DEF6: variants seen among roughly 807,000 people sequenced by gnomAD.
DEF6 encodes the protein differentially expressed in FDCP 6 homolog.
DEF6 carries 32 observed loss-of-function variants against 80.5 expected under a neutral mutation model. That is an observed-to-expected ratio of 0.40 (90% CI 0.30 to 0.53). The LOEUF (loss-of-function observed/expected upper bound fraction) is 0.53. Ranked by LOEUF, DEF6 falls within the 20% of genes least tolerant of loss-of-function variation. DEF6 has a pLI of 0.57. For synonymous variants in DEF6, 300 were observed against 337.9 expected, an observed-to-expected ratio of 0.89 and a Z score of 1.23; for missense variants, 575 against 818.7, an observed-to-expected ratio of 0.70 and a Z score of 3.63.
Position 35,321,387 on chromosome 6 carries a change from C to T in DEF6, c.1873C>T (p.Leu625=). ...APASTPQEDK[L]DPAPEN is the part of the protein sequence containing the mutation. ...GGCTTCCACCCCTCAGGAAGATAAACTGGATCCAGCACCAGAAAATTAGCC... is the reference window on the plus strand; with the variant it reads ...GGCTTCCACCCCTCAGGAAGATAAATTGGATCCAGCACCAGAAAATTAGCC... The change falls in exon 11 of 11, where the codon CTG becomes TTG. Residue 625 remains leucine (L), a synonymous_variant. Transcript: ENST00000316637. 6.2e-7 allele frequency: 1 copy of T among 1,613,932 alleles called. No individual in the cohort carries two copies. The highest frequency in any genetic ancestry group is 8.5e-7 in the Non-Finnish European group (1 of 1,179,816).
chr6:35,317,627 T>G lies in DEF6; in HGVS notation c.808-264T>G, dbSNP rs542674493. The G allele has an allele frequency of 4.0e-5, 16 of 395,622 alleles. No homozygotes were observed. The East Asian group carries it at 7.3e-4, about 18-fold the overall frequency. The allele number at this position is 395,622 out of a possible 1,614,324, so 24.5% of individuals were successfully genotyped here. ...GTTCAAGCGTGATCTGCATAAACAC[T>G]GAGTGGCGATTATGTACTGGGCCCC... is the stretch of plus-strand genomic sequence containing the variant. On this transcript the variant is annotated intron_variant, in intron 5 of 10. Transcript: ENST00000316637.
chr6:35,310,666 G>C, intron 3 of DEF6, 22 bp downstream of exon 3: 1 of 1,613,962 alleles, frequency 6.2e-7, no homozygotes, highest in Non-Finnish European at 8.5e-7. Flanking sequence ...GGCAGCCCCA[G>C]GGACTGAATC....
intron 9 of DEF6, among the ~76,000 whole-genome samples, 153 bp from the exon 10 acceptor site, chr6:35,320,731 G>A (rs1031813343): frequency 6.6e-6 from 1 of 152,212 alleles, no homozygotes; most frequent in Non-Finnish European, 1.5e-5. Context: ...ATTCATGTAT[G>A]TATTAATAAC....
At chr6:35,311,415 G>GACCCACA (rs1791465458) in intron 3 of DEF6, among the ~76,000 whole-genome samples, 5 of 152,130 alleles carry the variant, frequency 3.3e-5, no homozygotes, top group Admixed American at 2.6e-4. Context: ...CCTGGCTTCT[G>GACCCACA]TTTGTGGGAA....
chr6:35,319,297 A>G lies in DEF6; in HGVS notation c.1216-227A>G, dbSNP rs1791558974. Among the ~76,000 whole-genome samples the G allele has an allele frequency of 6.6e-6, 1 of 152,068 alleles. No homozygotes were observed. The highest frequency in any genetic ancestry group is 2.1e-4 in the South Asian group (1 of 4,826). ...TATAATTATGATTAAGGTTGGTACT[A>G]GGAAGGAAATAACTTGAGCCCGTTT... On this transcript the variant is annotated intron_variant, in intron 7 of 10. Coordinates refer to ENST00000316637, the MANE Select transcript of DEF6 (RefSeq NM_022047.4). The surrounding 1 kb of genome is among the most constrained non-coding windows in gnomAD (Gnocchi z 4.5).
Position 35,320,034 on chromosome 6 carries a change from G to A in DEF6, c.1581+17G>A, listed in dbSNP as rs114708018. On this transcript the variant is annotated intron_variant, in intron 9 of 10. Coordinates refer to ENST00000316637, the MANE Select transcript of DEF6 (RefSeq NM_022047.4). ...GATGTGGAGGTGAGGCCTGGGGTGG[G>A]ATGGGGTGGAGGCTGGCAGGGTGAG... The A allele has an allele frequency of 3.9e-6, 6 of 1,553,504 alleles. No homozygotes were observed. Among genetic ancestry groups the A allele is most frequent in the Non-Finnish European group, 4.4e-6 (5 of 1,148,208 alleles).
chr6:35,297,856 C>T lies in DEF6; in HGVS notation c.-1C>T. The T allele has an allele frequency of 1.9e-6, 3 of 1,596,050 alleles. No homozygotes were observed. The highest frequency in any genetic ancestry group is 2.6e-6 in the Non-Finnish European group (3 of 1,172,396). On this transcript the variant is annotated 5_prime_UTR_variant, in exon 1 of 11. Transcript: ENST00000316637. ...CCCCCAGCCGGGCGGGCGCCTCAGC[C>T]ATGGCCCTGCGCAAGGAACTGCTCA...
chr6:35,313,440 C>T, intron 5 of DEF6: 1 of 335,642 alleles, frequency 3.0e-6, no homozygotes, highest in African/African-American at 2.2e-5. Flanking sequence ...GTATCCTTTA[C>T]CTCAAATATT....
At chr6:35,305,086 A>G (rs1791371752) in intron 1 of DEF6, among the ~76,000 whole-genome samples, 1 of 145,780 alleles carries the variant, frequency 6.9e-6, no homozygotes, top group African/African-American at 2.5e-5. Flanking sequence ...TTGGGATTAC[A>G]GGTATGAGCC....
chr6:35,306,837 A>G (rs1222613692), intron 1 of DEF6, among the ~76,000 whole-genome samples: 2 of 152,170 alleles, frequency 1.3e-5, no homozygotes, highest in African/African-American at 4.8e-5. Context: ...TGCACCAGGT[A>G]CTCTTCACTC....
In DEF6 at chr6:35,318,620, G is replaced by C; in HGVS notation, c.1215+149G>C. 1 of 759,754 alleles carries C rather than the reference G, an allele frequency of 1.3e-6. No individual in the cohort carries two copies. Among genetic ancestry groups the C allele is most frequent in the East Asian group, 3.6e-5 (1 of 27,700 alleles). 47.1% of individuals were successfully genotyped at this position (759,754 alleles called of 1,614,324 possible). On this transcript the variant is annotated intron_variant, in intron 7 of 10. Transcript: ENST00000316637. The surrounding 1 kb of genome is among the most constrained non-coding windows in gnomAD (Gnocchi z 5.1). ...TGGAGCTTGAAATGAGGGATTGTTGGGACAGAGTCCGCGGGTTTGAAAAAG... is the reference window on the plus strand; with the variant it reads ...TGGAGCTTGAAATGAGGGATTGTTGCGACAGAGTCCGCGGGTTTGAAAAAG...
At chr6:35,304,435 T>C (rs1404726309) in intron 1 of DEF6, among the ~76,000 whole-genome samples, 1 of 152,172 alleles carries the variant, frequency 6.6e-6, no homozygotes, top group African/African-American at 2.4e-5. Flanking sequence ...TGCAGTGACC[T>C]GGAGAGAAAT....
At chr6:35,300,463 G>A (rs1791299212) in intron 1 of DEF6, among the ~76,000 whole-genome samples, 1 of 152,164 alleles carries the variant, frequency 6.6e-6, no homozygotes, top group Admixed American at 6.5e-5. Context: ...GGCTCCCAGT[G>A]GCTGTCCTGG....
rs9357197 is a variant in DEF6, at chr6:35,309,389, G to T, written c.97-281G>T. Reference sequence around the variant, plus strand: ...ATGGGTTTGAATTCCAGTTCTGCCAGCTGTGACCTTGGGTGAGAAATATCT... The same window carrying T: ...ATGGGTTTGAATTCCAGTTCTGCCATCTGTGACCTTGGGTGAGAAATATCT... On this transcript the variant is annotated intron_variant, in intron 1 of 10. Transcript: ENST00000316637. 2.1e-4 allele frequency among the ~76,000 whole-genome samples: 32 copies of T among 152,334 alleles called. No individual in the cohort carries two copies. In the East Asian group the frequency reaches 5.8e-3, roughly 28 times the overall value.
At chr6:35,303,825 C>T (rs1263256038) in intron 1 of DEF6, among the ~76,000 whole-genome samples, 2 of 151,428 alleles carry the variant, frequency 1.3e-5, no homozygotes, top group African/African-American at 2.4e-5. Flanking sequence ...AGTGAAAGCC[C>T]GTCCCTACAA....
chr6:35,314,066 T>C (rs537460370), intron 5 of DEF6, among the ~76,000 whole-genome samples: 1 of 152,334 alleles, frequency 6.6e-6, no homozygotes, highest in South Asian at 2.1e-4. Context: ...ACTAACAGTT[T>C]ATCAGGGTTC....
chr6:35,313,109 T>C (rs2150387622), intron 5 of DEF6, among the ~76,000 whole-genome samples: 1 of 151,986 alleles, frequency 6.6e-6, no homozygotes, highest in East Asian at 1.9e-4. Flanking sequence ...CATATTCCAT[T>C]CCCTTTAGCA....
At chr6:35,308,123 A>G (rs1791414689) in intron 1 of DEF6, among the ~76,000 whole-genome samples, 1 of 152,158 alleles carries the variant, frequency 6.6e-6, no homozygotes, top group Admixed American at 6.5e-5. Flanking sequence ...TTTAGTTTCA[A>G]CCTCAGCTCT....
At chr6:35,309,890 C>T in intron 2 of DEF6, 80 bp downstream of exon 2, 2 of 1,529,706 alleles carry the variant, frequency 1.3e-6, no homozygotes, top group South Asian at 2.4e-5. Context: ...CCTTGCCACT[C>T]CAACTCTTCG....
Sources: allele counts gnomAD v4.1 joint callset (sites outside exome capture counted in the v4.1 genomes callset), GRCh38; gene constraint gnomAD v4.1.1; non-coding constraint Gnocchi (gnomAD v3.1); transcripts MANE v1.5; gene names NCBI Gene and HGNC (gene_info 2026-07-23, HGNC 2026-07-21).